ATP2C2: variants seen among roughly 807,000 people sequenced by gnomAD.
ATP2C2 encodes ATPase secretory pathway Ca2+ transporting 2, also known as calcium-transporting ATPase type 2C member 2.
In ATP2C2, 171 loss-of-function variants were observed where a neutral mutation model predicts 110.8. The ratio of observed to expected loss-of-function variants is 1.54; its 90% confidence interval spans 1.36 to 1.75. ATP2C2 has a LOEUF of 1.75. Ranked by LOEUF, ATP2C2 falls within the 40% of genes most tolerant of loss-of-function variation. The pLI is 0.00. For missense variants in ATP2C2, 1,963 were observed against 1,235.0 expected (o/e 1.59, Z -8.84); for synonymous variants, 804 against 508.4 (o/e 1.58, Z -7.82).
At chr16:84,375,064 C>G (rs954508518) in intron 1 of ATP2C2, among the ~76,000 whole-genome samples, 7 of 152,062 alleles carry the variant, frequency 4.6e-5, no homozygotes, top group Non-Finnish European at 7.4e-5. Flanking sequence ...ACAATGAAAA[C>G]AAATACTTTA....
intron 11 of ATP2C2, among the ~76,000 whole-genome samples, chr16:84,429,298 C>T (rs1214964918): frequency 5.3e-5 from 8 of 151,972 alleles, no homozygotes; most frequent in South Asian, 2.1e-4. Context: ...ATTATAGGGG[C>T]GCACCACCAC....
intron 2 of ATP2C2, among the ~76,000 whole-genome samples, chr16:84,400,059 C>T (rs527742512): frequency 3.9e-5 from 6 of 152,254 alleles, no homozygotes; most frequent in South Asian, 2.1e-4. Flanking sequence ...AATATAATGA[C>T]CTCCAGTTCC....
At chr16:84,450,148 C>T (rs183156475) in intron 17 of ATP2C2, among the ~76,000 whole-genome samples, 116 of 152,360 alleles carry the variant, frequency 7.6e-4, no homozygotes, top group African/African-American at 2.7e-3. Context: ...TCCTGTCTTC[C>T]CCCAGTGTAC....
chr16:84,396,572 A>G (rs62791161), intron 1 of ATP2C2, among the ~76,000 whole-genome samples: 2 of 134,720 alleles, frequency 1.5e-5, no homozygotes, highest in Non-Finnish European at 1.6e-5. Flanking sequence ...AAAAAAAAAA[A>G]GGAAAAGTGA....
At chr16:84,381,184 G>C (rs1597732510) in intron 1 of ATP2C2, among the ~76,000 whole-genome samples, 1 of 152,166 alleles carries the variant, frequency 6.6e-6, no homozygotes, top group Non-Finnish European at 1.5e-5. Flanking sequence ...GTGCAGGGGT[G>C]GATCTTTCAG....
At chr16:84,436,763 G>GTT (rs10651589) in intron 11 of ATP2C2, among the ~76,000 whole-genome samples, 30,234 of 123,972 alleles carry the variant, frequency 0.24, 4,843 homozygotes, top group East Asian at 0.58. Flanking sequence ...AGCGAAGGCT[G>GTT]TTTTTTTTTT....
intron 1 of ATP2C2, among the ~76,000 whole-genome samples, chr16:84,394,293 G>A (rs546127739): frequency 6.6e-6 from 1 of 152,174 alleles, no homozygotes; most frequent in East Asian, 1.9e-4. Flanking sequence ...AATGTCGTGT[G>A]ACCACCACTT....
chr16:84,419,160 A>AGT (rs2150538138), intron 7 of ATP2C2, among the ~76,000 whole-genome samples: 1 of 133,102 alleles, frequency 7.5e-6, no homozygotes, highest in East Asian at 2.5e-4. Flanking sequence ...GTGAGCCGAG[A>AGT]TTGCACCACT....
intron 1 of ATP2C2, among the ~76,000 whole-genome samples, chr16:84,386,160 G>C (rs1904318466): frequency 2.6e-5 from 4 of 152,120 alleles, no homozygotes; most frequent in Admixed American, 6.5e-5. Flanking sequence ...ATCCTTGGCT[G>C]TTTTTACCGG....
At chr16:84,433,683 AACAC>A (rs71994851) in intron 11 of ATP2C2, among the ~76,000 whole-genome samples, 21,561 of 150,524 alleles carry the variant, frequency 0.14, 1,629 homozygotes, top group Non-Finnish European at 0.16. Context: ...ACAACAACAA[AACAC>A]ACACACACAC....
chr16:84,401,303 A>G (rs1905306284), intron 2 of ATP2C2, among the ~76,000 whole-genome samples: 1 of 144,862 alleles, frequency 6.9e-6, no homozygotes, highest in African/African-American at 2.6e-5. Context: ...AGCTCACTGC[A>G]ACCTCTGCCT....
chr16:84,446,505 C>G (rs62050893), intron 16 of ATP2C2, 75 bp downstream of exon 16: 1 of 1,050,280 alleles, frequency 9.5e-7, no homozygotes, highest in African/African-American at 1.7e-5. Flanking sequence ...AAAATGCAGA[C>G]TTCAAGGATA....
Position 84,440,967 on chromosome 16 carries a change from C to G in ATP2C2, c.1311+9C>G, listed in dbSNP as rs767901576. On this transcript the variant is annotated intron_variant, in intron 14 of 26. Transcript: ENST00000262429. ...TGGGAAAGTTAGTGGAGGTAGGTGT[C>G]AAAAGCGCCATGAGGGAAATAGGCA... 2 of 1,598,860 alleles carry G rather than the reference C, an allele frequency of 1.3e-6. No homozygotes were observed. Among genetic ancestry groups the G allele is most frequent in the Admixed American group, 1.7e-5 (1 of 59,300 alleles).
chr16:84,406,055 A>C (rs1488431653), intron 3 of ATP2C2, among the ~76,000 whole-genome samples: 3 of 152,240 alleles, frequency 2.0e-5, no homozygotes, highest in Non-Finnish European at 4.4e-5. Context: ...TTTAGATTTT[A>C]CTGGGTGTCC....
At chr16:84,404,945 C>G in intron 2 of ATP2C2, 183 bp from the exon 3 acceptor site, 1 of 699,418 alleles carries the variant, frequency 1.4e-6, no homozygotes, top group Non-Finnish European at 2.6e-6. Context: ...TGGCTTGTGC[C>G]TTTTCCTCCT....
intron 6 of ATP2C2, among the ~76,000 whole-genome samples, chr16:84,411,929 C>T (rs1906336936): frequency 1.3e-5 from 2 of 151,816 alleles, no homozygotes; most frequent in East Asian, 1.9e-4. Context: ...TCTTTTCTTT[C>T]TTTCCTTTCT....
chr16:84,463,343 G>T (rs1911585113), intron 26 of ATP2C2, among the ~76,000 whole-genome samples: 1 of 152,138 alleles, frequency 6.6e-6, no homozygotes, highest in African/African-American at 2.4e-5. Flanking sequence ...TCCCCTTCCA[G>T]CCCGAGTCCA....
Position 84,448,582 on chromosome 16 carries a change from G to T in ATP2C2, c.1553G>T (p.Arg518Leu), listed in dbSNP as rs765995492. The change falls in exon 17 of 27, where the codon CGC (arginine) becomes CTC (leucine). Residue 518 changes from arginine (R) to leucine (L), a missense_variant. Coordinates refer to ENST00000262429, the MANE Select transcript of ATP2C2 (RefSeq NM_014861.4). ...AAAGGGGCCTTGGAAGAGGTGATCCGCTACTGCACCATGTACAACAACGGG... is the reference window on the plus strand; with the variant it reads ...AAAGGGGCCTTGGAAGAGGTGATCCTCTACTGCACCATGTACAACAACGGG... Reference protein sequence around the residue: ...FMKGALEEVIRYCTMYNNGGI... With the variant: ...FMKGALEEVILYCTMYNNGGI... 1.9e-6 allele frequency: 3 copies of T among 1,613,630 alleles called. No individual in the cohort carries two copies. Among genetic ancestry groups the T allele is most frequent in the South Asian group, 1.1e-5 (1 of 91,034 alleles).
chr16:84,424,648 C>T (rs1280009515), intron 10 of ATP2C2, among the ~76,000 whole-genome samples: 1 of 148,518 alleles, frequency 6.7e-6, no homozygotes, highest in East Asian at 2.0e-4. Context: ...ACACTCAGTC[C>T]CATGGACCCC....
Sources: gnomAD v4.1 joint callset for allele counts (sites outside exome capture counted in the v4.1 genomes callset) on GRCh38, gnomAD v4.1.1 for gene constraint, MANE v1.5 for transcripts, NCBI Gene and HGNC (gene_info 2026-07-23, HGNC 2026-07-21) for gene names.